CDH17: variants seen among roughly 807,000 people sequenced by gnomAD.
The protein encoded by CDH17 is cadherin 17.
A neutral mutation model predicts 86.3 loss-of-function variants in CDH17; 67 were observed. That is an observed-to-expected ratio of 0.78 (90% CI 0.64 to 0.95). The LOEUF is 0.95. CDH17 is among the 40% of genes least tolerant of loss of function. The pLI is 0.00. For synonymous variants in CDH17, 367 were observed against 366.4 expected (o/e 1.00, Z -0.02); for missense variants, 993 against 1,017.6 (o/e 0.98, Z 0.33).
chr8:94,199,071 ATATATATATATATT>A (rs1272261057), intron 1 of CDH17, among the ~76,000 whole-genome samples: 20 of 16,306 alleles, frequency 1.2e-3, no homozygotes, highest in South Asian at 4.8e-3. Flanking sequence ...ATATATATAT[ATATATATATATATT>A]TTTTTTTTTT....
chr8:94,206,903 C>G (rs1199946194), intron 1 of CDH17, among the ~76,000 whole-genome samples: 2 of 152,110 alleles, frequency 1.3e-5, no homozygotes, highest in African/African-American at 4.8e-5. Flanking sequence ...TCCTCAGCTT[C>G]TCAAAGTACT....
chr8:94,171,213 G>A (rs1250672662), intron 7 of CDH17, among the ~76,000 whole-genome samples: 8 of 152,080 alleles, frequency 5.3e-5, no homozygotes, highest in Non-Finnish European at 4.4e-5. Flanking sequence ...CTTCTCTAAA[G>A]CAATTCTTCA....
rs572712711 is a variant in CDH17, at chr8:94,158,950, C to A, written c.1551+1021G>T. Among the ~76,000 whole-genome samples the A allele has an allele frequency of 8.5e-5, 13 of 152,286 alleles. No individual in the cohort carries two copies. In the East Asian group the frequency reaches 9.6e-4, roughly 11 times the overall value. ...TCTGGCTCAAAACTGTACTCCAGAG[C>A]TTTCCTTTGCAGCTTCCAGCACACT... On this transcript the variant is annotated intron_variant, in intron 12 of 17. Transcript: ENST00000027335.
At chr8:94,162,021 C>A in intron 11 of CDH17, 65 bp downstream of exon 11, 3 of 1,031,062 alleles carry the variant, frequency 2.9e-6, no homozygotes, top group Non-Finnish European at 4.6e-6. Flanking sequence ...GTGTCTCTAT[C>A]CCAGAAGAAA....
Position 94,165,745 on chromosome 8 carries a change from T to C in CDH17, c.1282+16A>G. 1 of 1,531,328 alleles carries C rather than the reference T, an allele frequency of 6.5e-7. No individual in the cohort carries two copies. Among genetic ancestry groups the C allele is most frequent in the Non-Finnish European group, 9.1e-7 (1 of 1,104,542 alleles). The allele number at this position is 1,531,328 out of a possible 1,614,324, so 94.9% of individuals were successfully genotyped here. A position where few individuals can be genotyped will look rare whatever the true frequency, so the allele number is the denominator to read the frequency against. On this transcript the variant is annotated intron_variant, in intron 10 of 17. Coordinates refer to ENST00000027335, the MANE Select transcript of CDH17 (RefSeq NM_004063.4). ...AAACAATGATTTGCACTCAAGACGG[T>C]GGATATGATACTAACCTTTGTCAGA... is the stretch of plus-strand genomic sequence containing the variant.
chr8:94,193,202 T>G (rs1234119599), intron 2 of CDH17, among the ~76,000 whole-genome samples: 2 of 152,166 alleles, frequency 1.3e-5, no homozygotes, highest in Admixed American at 1.3e-4. Context: ...CATCCAGGAA[T>G]AAAAATGCAT....
At chr8:94,155,377 GC>G (rs1812927748) in intron 12 of CDH17, among the ~76,000 whole-genome samples, 1 of 151,956 alleles carries the variant, frequency 6.6e-6, no homozygotes, top group African/African-American at 2.4e-5. Context: ...GAAGGCAGCA[GC>G]CCCCAGAATG....
intron 15 of CDH17, 102 bp downstream of exon 15, chr8:94,145,826 T>C (rs987791748): frequency 3.1e-6 from 4 of 1,275,988 alleles, no homozygotes; most frequent in Non-Finnish European, 3.3e-6. Flanking sequence ...TCCTGAAGCA[T>C]GAAAGAAAGC....
chr8:94,170,612 A>G, intron 8 of CDH17, 65 bp from the exon 9 acceptor site: 1 of 1,542,724 alleles, frequency 6.5e-7, no homozygotes, highest in East Asian at 2.3e-5. Context: ...AGCAGAGAAA[A>G]TCGTTGTTTC....
intron 1 of CDH17, among the ~76,000 whole-genome samples, chr8:94,195,052 A>AG (rs1259875571): frequency 6.6e-6 from 1 of 152,202 alleles, no homozygotes; most frequent in African/African-American, 2.4e-5. Flanking sequence ...TCCAGGCTGT[A>AG]GTGCAGTGGT....
At chr8:94,167,517 T>G (rs775656531) in intron 9 of CDH17, among the ~76,000 whole-genome samples, 1 of 152,222 alleles carries the variant, frequency 6.6e-6, no homozygotes, top group Non-Finnish European at 1.5e-5. Flanking sequence ...CATGCAGATG[T>G]GCCTCATGGG....
At chr8:94,139,579 A>G (rs1812595663) in intron 15 of CDH17, among the ~76,000 whole-genome samples, 1 of 152,214 alleles carries the variant, frequency 6.6e-6, no homozygotes. Flanking sequence ...GAGAAAAAAG[A>G]ATACAAACAT....
chr8:94,177,191 G>A (rs565260559), intron 4 of CDH17, among the ~76,000 whole-genome samples: 1 of 152,180 alleles, frequency 6.6e-6, no homozygotes, highest in Admixed American at 6.5e-5. Context: ...TTCTTCCAAC[G>A]CCCAAAGGAG....
intron 2 of CDH17, among the ~76,000 whole-genome samples, chr8:94,191,449 C>CTT (rs34208252): frequency 1.4e-4 from 17 of 119,842 alleles, no homozygotes; most frequent in Non-Finnish European, 2.1e-4. Flanking sequence ...CAAGAAAATG[C>CTT]TTTTTTTTTT....
At chr8:94,183,062 C>G (rs142512071) in intron 3 of CDH17, among the ~76,000 whole-genome samples, 148 of 151,988 alleles carry the variant, frequency 9.7e-4, no homozygotes, top group Middle Eastern at 3.4e-3. Flanking sequence ...AAATATGAAG[C>G]TTATAAAATG....
chr8:94,190,030 A>G (rs1675841263), intron 2 of CDH17, among the ~76,000 whole-genome samples: 1 of 152,264 alleles, frequency 6.6e-6, no homozygotes, highest in African/African-American at 2.4e-5. Flanking sequence ...AGACTGGAGT[A>G]GTAGTGAATG....
intron 3 of CDH17, among the ~76,000 whole-genome samples, chr8:94,179,711 C>A (rs957013): frequency 0.77 from 117,150 of 152,200 alleles, 46,238 homozygotes; most frequent in African/African-American, 0.91. Context: ...ATTTAAGGAA[C>A]TCTCTATCTA....
At chr8:94,190,048 G>T (rs1813657402) in intron 2 of CDH17, among the ~76,000 whole-genome samples, 1 of 152,236 alleles carries the variant, frequency 6.6e-6, no homozygotes, top group South Asian at 2.1e-4. Context: ...ATGTGGCTGG[G>T]ATGGTAAGAA....
rs1194218039 is a variant in CDH17, at chr8:94,164,249, T to C, written c.1282+1512A>G. Reference sequence around the variant, plus strand: ...CAGAAATACCTCTTCCAGAAAGCAGTACCTGTTCTCTCCCTCCACTGAGTC... The same window carrying C: ...CAGAAATACCTCTTCCAGAAAGCAGCACCTGTTCTCTCCCTCCACTGAGTC... On this transcript the variant is annotated intron_variant, in intron 10 of 17. Coordinates refer to ENST00000027335, the MANE Select transcript of CDH17 (RefSeq NM_004063.4). 2.9e-4 allele frequency among the ~76,000 whole-genome samples: 44 copies of C among 152,176 alleles called. 1 individual carries two copies. The highest frequency in any genetic ancestry group is 2.9e-3 in the Admixed American group (44 of 15,278).
Sources: allele counts gnomAD v4.1 joint callset (sites outside exome capture counted in the v4.1 genomes callset), GRCh38; gene constraint gnomAD v4.1.1; transcripts MANE v1.5; gene names NCBI Gene and HGNC (gene_info 2026-07-23, HGNC 2026-07-21).